The following KIAA1217 variants were observed in gnomAD, a reference collection of about 807,000 sequenced individuals.
KIAA1217 encodes sickle tail protein homolog.
A neutral mutation model predicts 163.9 loss-of-function variants in KIAA1217; 88 were observed. The observed-to-expected ratio is 0.54, with a 90% CI of 0.45 to 0.64. The LOEUF is 0.64. Among genes scored for constraint, KIAA1217 ranks in the 30% least tolerant of loss-of-function variants. The probability of loss-of-function intolerance (pLI) is 0.00; values close to 1 mark genes in which losing one functional copy is unlikely to be tolerated. For missense variants in KIAA1217, 2,372 were observed against 2,475.0 expected, an observed-to-expected ratio of 0.96 and a Z score of 0.88; for synonymous variants, 903 against 923.1, an observed-to-expected ratio of 0.98 and a Z score of 0.39.
At chr10:23,817,978 T>TACAC (rs1411162133) in intron 1 of KIAA1217, among the ~76,000 whole-genome samples, 6 of 108,940 alleles carry the variant, frequency 5.5e-5, no homozygotes, top group African/African-American at 2.4e-4. Flanking sequence ...TATATATATA[T>TACAC]ATATATATAT....
In KIAA1217 at chr10:23,827,941, G is replaced by A. The variant is rs75874217; in HGVS notation, c.-321+132707G>A. 2.1e-3 allele frequency among the ~76,000 whole-genome samples: 317 copies of A among 152,326 alleles called. 1 individual carries two copies. Among genetic ancestry groups the A allele is most frequent in the African/African-American group, 7.2e-3 (298 of 41,582 alleles). On this transcript the variant is annotated intron_variant, in intron 1 of 18. Coordinates refer to the KIAA1217 transcript ENST00000376462. ...TGTTTGCCCAGGGAAAGAATGGGAA[G>A]GAAAGTACTTCAGGCCCAAGGAAGA...
At chr10:24,061,223 A>T (rs1192581815) in intron 2 of KIAA1217, among the ~76,000 whole-genome samples, 1 of 152,204 alleles carries the variant, frequency 6.6e-6, no homozygotes, top group Admixed American at 6.5e-5. Context: ...ACATTGTAAC[A>T]GTCTGTTTTA....
chr10:23,743,027 G>C (rs1247248977), intron 1 of KIAA1217, among the ~76,000 whole-genome samples: 3 of 152,152 alleles, frequency 2.0e-5, no homozygotes, highest in Admixed American at 2.0e-4. Context: ...TGAAAGTGAT[G>C]GGTTGGATTG....
intron 1 of KIAA1217, among the ~76,000 whole-genome samples, chr10:23,815,355 A>G (rs2130994834): frequency 6.6e-6 from 1 of 152,320 alleles, no homozygotes; most frequent in South Asian, 2.1e-4. Flanking sequence ...GTAAAATTTA[A>G]TAATTTAGGC....
At chr10:24,365,172 C>G (rs2050604599) in intron 2 of KIAA1217, among the ~76,000 whole-genome samples, 1 of 152,110 alleles carries the variant, frequency 6.6e-6, no homozygotes, top group Admixed American at 6.5e-5. Flanking sequence ...TTCCTTGCCC[C>G]CGTTTCTCCA....
At chr10:24,036,201 C>T (rs903714280) in intron 2 of KIAA1217, among the ~76,000 whole-genome samples, 1 of 152,152 alleles carries the variant, frequency 6.6e-6, no homozygotes, top group Non-Finnish European at 1.5e-5. Flanking sequence ...AGCAAAGGTT[C>T]AGAAACCAGG....
At chr10:24,067,289 CT>C (rs769473295) in intron 2 of KIAA1217, among the ~76,000 whole-genome samples, 17 of 152,108 alleles carry the variant, frequency 1.1e-4, no homozygotes, top group Non-Finnish European at 2.1e-4. Flanking sequence ...TACCTTTTGT[CT>C]TTGATGATGG....
intron 1 of KIAA1217, among the ~76,000 whole-genome samples, chr10:23,973,380 T>C (rs1381777522): frequency 6.6e-6 from 1 of 152,356 alleles, no homozygotes; most frequent in East Asian, 1.9e-4. Flanking sequence ...ATTAGGAAAC[T>C]GAGACTAGAA....
At chr10:23,912,453 C>A (rs1212095038) in intron 1 of KIAA1217, among the ~76,000 whole-genome samples, 3 of 151,716 alleles carry the variant, frequency 2.0e-5, no homozygotes, top group African/African-American at 7.3e-5. Flanking sequence ...AACATTGTAC[C>A]CAAGAGGTAC....
At chr10:23,771,971 G>A (rs1336216007) in intron 1 of KIAA1217, among the ~76,000 whole-genome samples, 3 of 152,118 alleles carry the variant, frequency 2.0e-5, no homozygotes, top group African/African-American at 7.2e-5. Context: ...TGAACCTCAA[G>A]TGTTGAACAT....
At chr10:23,756,551 T>G (rs1302978120) in intron 1 of KIAA1217, among the ~76,000 whole-genome samples, 1 of 152,234 alleles carries the variant, frequency 6.6e-6, no homozygotes, top group Non-Finnish European at 1.5e-5. Flanking sequence ...TTTGAAATGA[T>G]GCTCTTTATT....
intron 2 of KIAA1217, among the ~76,000 whole-genome samples, chr10:24,202,640 C>T (rs1032181679): frequency 1.2e-4 from 19 of 152,168 alleles, no homozygotes; most frequent in Non-Finnish European, 8.8e-5. Flanking sequence ...AGCAGCTCCA[C>T]GTCTCCTCTG....
At chr10:24,161,487 C>A (rs186000624) in intron 2 of KIAA1217, among the ~76,000 whole-genome samples, 25 of 152,316 alleles carry the variant, frequency 1.6e-4, no homozygotes, top group African/African-American at 5.1e-4. Flanking sequence ...ACACTATTAA[C>A]ACACACAAGA....
chr10:24,424,550 C>T (rs570695270), intron 3 of KIAA1217, among the ~76,000 whole-genome samples: 2 of 152,254 alleles, frequency 1.3e-5, no homozygotes, highest in South Asian at 4.2e-4. Context: ...CTCTAGGGTA[C>T]CTCTAAGTAC....
chr10:23,986,130 C>T (rs992570843), intron 1 of KIAA1217, among the ~76,000 whole-genome samples: 15 of 152,232 alleles, frequency 9.9e-5, no homozygotes, highest in Non-Finnish European at 1.8e-4. Flanking sequence ...CCACACTCTA[C>T]CAAGAGTCCC....
intron 2 of KIAA1217, among the ~76,000 whole-genome samples, chr10:24,182,056 A>G (rs1049189390): frequency 2.0e-5 from 3 of 152,202 alleles, no homozygotes; most frequent in Admixed American, 1.3e-4. Context: ...TTATCTACCA[A>G]AAGGGTCCCT....
At chr10:24,497,060 C>T (rs951011124) in intron 8 of KIAA1217, among the ~76,000 whole-genome samples, 10 of 152,204 alleles carry the variant, frequency 6.6e-5, no homozygotes, top group Non-Finnish European at 8.8e-5. Flanking sequence ...GGCGAGATAT[C>T]GTCCACAGGG....
chr10:24,349,170 A>G (rs184037012), intron 2 of KIAA1217, among the ~76,000 whole-genome samples: 3 of 150,364 alleles, frequency 2.0e-5, no homozygotes, highest in Admixed American at 2.0e-4. Flanking sequence ...TTGAGATCTG[A>G]GATCTCATAT....
At chr10:24,496,019 G>A (rs533062377) in intron 8 of KIAA1217, among the ~76,000 whole-genome samples, 91 of 152,204 alleles carry the variant, frequency 6.0e-4, no homozygotes, top group Non-Finnish European at 1.2e-3. Context: ...CCCTCTCATC[G>A]GGTTAGAAAT....
Sources: gnomAD v4.1 joint callset for allele counts (sites outside exome capture counted in the v4.1 genomes callset) on GRCh38, gnomAD v4.1.1 for gene constraint, MANE v1.5 for transcripts, NCBI Gene and HGNC (gene_info 2026-07-23, HGNC 2026-07-21) for gene names.